The following USH2A variants were observed in gnomAD, a reference collection of about 807,000 sequenced individuals.
USH2A encodes the protein Usher syndrome 2A (autosomal recessive, mild).
A neutral mutation model predicts 538.9 loss-of-function variants in USH2A; 443 were observed. That is an observed-to-expected ratio of 0.82 (90% CI 0.76 to 0.89). The LOEUF is 0.89. Among genes scored for constraint, USH2A ranks in the 40% least tolerant of loss-of-function variants. The pLI, the probability that USH2A is intolerant of heterozygous loss-of-function variation, is 0.00. For synonymous variants in USH2A, 2,413 were observed against 2,273.5 expected (o/e 1.06, Z -1.75); for missense variants, 6,633 against 6,324.8 (o/e 1.05, Z -1.65).
At position 215,685,794 on chromosome 1, in the gene USH2A, C is replaced by G. The variant is rs537855601; in HGVS notation, c.12067-5418G>C. Among the ~76,000 whole-genome samples, 4 of 152,256 alleles carry G rather than the reference C, an allele frequency of 2.6e-5. No homozygotes were observed. The South Asian group carries it at 8.3e-4, about 32-fold the overall frequency. On this transcript the variant is annotated intron_variant, in intron 61 of 71. Coordinates refer to ENST00000307340, the MANE Select transcript of USH2A (RefSeq NM_206933.4). ...CTGCAAAATATAAACATTGTCAGAA[C>G]ATTTTCACCAACTTCACCTGCACAC...
At chr1:216,324,107 T>C in intron 7 of USH2A, 61 bp downstream of exon 7, 3 of 1,559,474 alleles carry the variant, frequency 1.9e-6, no homozygotes, top group Non-Finnish European at 2.6e-6. Context: ...AGAGCTAGCA[T>C]ACTTGTACAT....
intron 20 of USH2A, among the ~76,000 whole-genome samples, chr1:216,186,217 A>G (rs1342254148): frequency 6.6e-6 from 1 of 151,284 alleles, no homozygotes; most frequent in Non-Finnish European, 1.5e-5. Flanking sequence ...AAATTTTAGC[A>G]AAGAATAAAA....
chr1:215,680,582 T>C (rs1193934147), intron 61 of USH2A, among the ~76,000 whole-genome samples: 2 of 152,084 alleles, frequency 1.3e-5, no homozygotes, highest in African/African-American at 4.8e-5. Flanking sequence ...CAATGTTGTA[T>C]GATTTCAGAC....
intron 16 of USH2A, chr1:216,201,772 A>T: frequency 4.3e-6 from 1 of 231,936 alleles, no homozygotes; most frequent in Admixed American, 4.2e-5. Context: ...AAGGTGAGAC[A>T]GTTCTCTCTC....
At chr1:216,275,269 G>A (rs927928439) in intron 11 of USH2A, among the ~76,000 whole-genome samples, 2 of 151,996 alleles carry the variant, frequency 1.3e-5, no homozygotes, top group Non-Finnish European at 2.9e-5. Flanking sequence ...CATCTGAATG[G>A]CACAACTATA....
intron 35 of USH2A, among the ~76,000 whole-genome samples, chr1:215,977,512 AT>A (rs1667648836): frequency 6.6e-6 from 1 of 151,782 alleles, no homozygotes; most frequent in African/African-American, 2.4e-5. Context: ...AAATTAATTA[AT>A]TAATTTTTTT....
chr1:215,983,489 C>T (rs1051183170), intron 35 of USH2A, among the ~76,000 whole-genome samples: 6 of 152,056 alleles, frequency 3.9e-5, no homozygotes, highest in African/African-American at 1.4e-4. Context: ...TTCTTATTGG[C>T]CTTTAAGATG....
intron 21 of USH2A, chr1:216,174,037 G>C: frequency 1.0e-6 from 1 of 984,792 alleles, no homozygotes. Context: ...TTGATGTACT[G>C]AGAGAGTAGT....
chr1:216,067,623 A>T (rs1408423714), intron 30 of USH2A, among the ~76,000 whole-genome samples: 1 of 152,174 alleles, frequency 6.6e-6, no homozygotes, highest in African/African-American at 2.4e-5. Flanking sequence ...CATATTTTGA[A>T]AAATAGAATG....
rs544992769 is a variant in USH2A, at chr1:215,867,814, G to A, written c.8682-644C>T. ...GGAAACCGAATATTACTTTGCAGAAGGCAAAAACTGACATGCTGATGTGAT... is the reference window on the plus strand; with the variant it reads ...GGAAACCGAATATTACTTTGCAGAAAGCAAAAACTGACATGCTGATGTGAT... On this transcript the variant is annotated intron_variant, in intron 43 of 71. Transcript: ENST00000307340. 1.1e-3 allele frequency among the ~76,000 whole-genome samples: 168 copies of A among 152,280 alleles called. 1 individual carries two copies. Among genetic ancestry groups the A allele is most frequent in the South Asian group, 6.8e-3 (33 of 4,826 alleles).
intron 37 of USH2A, among the ~76,000 whole-genome samples, chr1:215,947,332 C>T (rs492731): frequency 0.24 from 36,888 of 152,088 alleles, 5,004 homozygotes; most frequent in Non-Finnish European, 0.31. Context: ...GTGTAAGCCA[C>T]CGCACCAAGC....
intron 58 of USH2A, 40 bp downstream of exon 58, chr1:215,758,555 T>C: frequency 6.3e-7 from 1 of 1,594,314 alleles, no homozygotes; most frequent in Non-Finnish European, 8.6e-7. Flanking sequence ...TCCTTTAAAA[T>C]GTTTACACAC....
At chr1:216,049,367 A>G (rs534850042) in intron 30 of USH2A, among the ~76,000 whole-genome samples, 4 of 152,316 alleles carry the variant, frequency 2.6e-5, no homozygotes, top group Admixed American at 2.6e-4. Context: ...CAGCAATTAA[A>G]AGTATGTGTA....
At position 215,674,827 on chromosome 1, in the gene USH2A, G is replaced by A. The variant is rs763301021; in HGVS notation, c.13084C>T (p.Pro4362Ser). The stretch of plus-strand genomic sequence containing the variant: ...GTGGCACTGACGGCCCAAAGATCTG[G>A]AGGGCTGACTTCTGATGGAGCAGCC... ...LEAAPSEVSP[P>S]DLWAVSATQM... Residue 4362 changes from proline to serine, a missense_variant, in exon 63 of 72, where the codon CCA (proline) becomes TCA (serine). Coordinates refer to ENST00000307340, the MANE Select transcript of USH2A (RefSeq NM_206933.4). The A allele has an allele frequency of 1.2e-6, 2 of 1,614,156 alleles. No individual in the cohort carries two copies. The highest frequency in any genetic ancestry group is 3.3e-5 in the Admixed American group (2 of 60,014).
intron 9 of USH2A, among the ~76,000 whole-genome samples, chr1:216,300,138 T>G (rs958721447): frequency 6.6e-6 from 1 of 152,228 alleles, no homozygotes; most frequent in Non-Finnish European, 1.5e-5. Flanking sequence ...TAATAATTGG[T>G]AAGTGCATTA....
intron 20 of USH2A, among the ~76,000 whole-genome samples, chr1:216,179,600 C>T (rs1337168398): frequency 1.3e-5 from 2 of 152,042 alleles, no homozygotes; most frequent in African/African-American, 4.8e-5. Context: ...GGTGAACATC[C>T]TACTGAGTTA....
intron 13 of USH2A, among the ~76,000 whole-genome samples, chr1:216,242,575 A>G (rs549087069): frequency 2.0e-5 from 3 of 152,170 alleles, no homozygotes; most frequent in Admixed American, 6.5e-5. Context: ...AGTTTTAGAT[A>G]ATAATATAAA....
chr1:216,367,468 TAGAA>T (rs2038621054), intron 3 of USH2A, among the ~76,000 whole-genome samples: 1 of 152,212 alleles, frequency 6.6e-6, no homozygotes, highest in Non-Finnish European at 1.5e-5. Context: ...TTGAGTCAGA[TAGAA>T]AGCATGTTTT....
At chr1:216,288,055 T>C (rs1225479495) in intron 11 of USH2A, among the ~76,000 whole-genome samples, 1 of 152,130 alleles carries the variant, frequency 6.6e-6, no homozygotes, top group African/African-American at 2.4e-5. Flanking sequence ...AACATGGTGA[T>C]ATGAAAGACT....
Sources: allele counts gnomAD v4.1 joint callset (sites outside exome capture counted in the v4.1 genomes callset), GRCh38; gene constraint gnomAD v4.1.1; transcripts MANE v1.5; gene names NCBI Gene and HGNC (gene_info 2026-07-23, HGNC 2026-07-21).